Variants in NOX1 observed in about 807,000 individuals in gnomAD.
NOX1 encodes the protein NADH/NADPH mitogenic oxidase subunit P65-MOX.
NOX1 carries 34 observed loss-of-function variants against 42.5 expected under a neutral mutation model. The observed-to-expected ratio is 0.80, with a 90% CI of 0.61 to 1.07. NOX1 has a LOEUF of 1.07. NOX1 is among the 50% of genes least tolerant of loss of function. The probability of loss-of-function intolerance (pLI) is 0.00; values close to 1 mark genes in which losing one functional copy is unlikely to be tolerated. For synonymous variants in NOX1, 143 were observed against 152.5 expected, an observed-to-expected ratio of 0.94 and a Z score of 0.46; for missense variants, 408 against 427.0, an observed-to-expected ratio of 0.96 and a Z score of 0.39.
intron 7 of NOX1, among the ~76,000 whole-genome samples, chrX:100,859,369 ATCATCAGGGATATTGGCCTGAAGTTT>A (rs1201611492): frequency 8.9e-6 from 1 of 111,741 alleles, no homozygotes; most frequent in Non-Finnish European, 1.9e-5. Flanking sequence ...TCAATGAATG[ATCATCAGGGATATTGGCCTGAAGTTT>A]TCTTTTTTCG....
chrX:100,870,831 A>C lies in NOX1; in HGVS notation c.46-17T>G. On this transcript the variant is annotated splice_polypyrimidine_tract_variant and intron_variant, in intron 1 of 12. Transcript: ENST00000372966. The stretch of plus-strand genomic sequence containing the variant: ...CCAAACAACCTAGAGAAAGAAAAAA[A>C]AACATGCAAAGAATAAAGTGAAATT... 1 of 1,024,815 alleles carries C rather than the reference A, an allele frequency of 9.8e-7. No individual in the cohort carries two copies. Among genetic ancestry groups the C allele is most frequent in the Non-Finnish European group, 1.4e-6 (1 of 737,710 alleles). The allele number at this position is 1,024,815 out of a possible 1,213,427, so 84.5% of individuals were successfully genotyped here.
At position 100,852,950 on chromosome X, in the gene NOX1, A is replaced by T. The variant is rs1254275282; in HGVS notation, c.805-1625T>A. 2.7e-5 allele frequency among the ~76,000 whole-genome samples: 3 copies of T among 112,201 alleles called. No individual in the cohort carries two copies. The East Asian group carries it at 8.4e-4, about 31-fold the overall frequency. ...ATTAACTGGGATTCAGGGAAATGGG[A>T]GTGTTCACGTGGGCATGCAAATTGA... On this transcript the variant is annotated intron_variant, in intron 7 of 12. Coordinates refer to ENST00000372966, the MANE Select transcript of NOX1 (RefSeq NM_007052.5).
intron 7 of NOX1, among the ~76,000 whole-genome samples, chrX:100,853,433 T>TCTTCCTTCCTTCCTTCC (rs1569445832): frequency 8.9e-5 from 9 of 101,199 alleles, no homozygotes; most frequent in Non-Finnish European, 1.2e-4. Context: ...CTTTTTTTTT[T>TCTTCCTTCCTTCCTTCC]TTGACAGAGT....
rs752018049 is a variant in NOX1, at chrX:100,870,633, A to G, written c.141+86T>C. ...TTTCTGGCAACCCTAGCCCTAGAGA[A>G]TATCAGGGCATTGGGTCACAAAGAA... On this transcript the variant is annotated intron_variant, in intron 2 of 12. Coordinates refer to ENST00000372966, the MANE Select transcript of NOX1 (RefSeq NM_007052.5). 5.7e-5 allele frequency: 37 copies of G among 644,264 alleles called. No homozygotes were observed. The African/African-American group carries it at 6.2e-4, about 11-fold the overall frequency. 53.1% of individuals were successfully genotyped at this position (644,264 alleles called of 1,213,427 possible).
At chrX:100,870,619 C>G (rs979350171) in intron 2 of NOX1, 100 bp downstream of exon 2, 3 of 603,840 alleles carry the variant, frequency 5.0e-6, no homozygotes, top group Non-Finnish European at 8.2e-6. Context: ...TTCTGGCAAC[C>G]CTAGCCCTAG....
In NOX1 at chrX:100,844,018, G is replaced by A. The variant is rs946595131; in HGVS notation, c.1629C>T (p.Cys543=). ...GATCCAGACTGGAATATCGGTGACAGCATTTGCGCAGGCTCTTTGCCAAAG... is the reference window on the plus strand; with the variant it reads ...GATCCAGACTGGAATATCGGTGACAACATTTGCGCAGGCTCTTTGCCAAAG... The part of the protein sequence containing the change: ...PRTLAKSLRK[C]CHRYSSLDPR... Residue 543 remains cysteine, a synonymous_variant, in exon 13 of 13, where the codon TGC becomes TGT. Transcript: ENST00000372966. 1 of 1,202,327 alleles carries A rather than the reference G, an allele frequency of 8.3e-7. No homozygotes were observed. Among genetic ancestry groups the A allele is most frequent in the Admixed American group, 2.2e-5 (1 of 45,831 alleles).
intron 2 of NOX1, among the ~76,000 whole-genome samples, chrX:100,864,279 C>T (rs985337941): frequency 1.2e-4 from 14 of 112,352 alleles, no homozygotes; most frequent in African/African-American, 4.5e-4. Context: ...TGTGAGCCAC[C>T]ATGCCTGGCC....
At chrX:100,851,169 T>G in intron 8 of NOX1, 64 bp downstream of exon 8, 2 of 698,700 alleles carry the variant, frequency 2.9e-6, no homozygotes, top group South Asian at 2.8e-5. Flanking sequence ...ACATAAAAAT[T>G]TAGTTCTGTA....
chrX:100,851,196 C>A, intron 8 of NOX1, 37 bp downstream of exon 8: 2 of 889,651 alleles, frequency 2.2e-6, no homozygotes, highest in Non-Finnish European at 3.2e-6. Flanking sequence ...TAGAAGATAA[C>A]TCTTATCACA....
intron 7 of NOX1, among the ~76,000 whole-genome samples, chrX:100,853,451 C>G (rs1414490474): frequency 2.0e-5 from 2 of 100,418 alleles, no homozygotes; most frequent in Non-Finnish European, 4.0e-5. Flanking sequence ...AGTCTCACTC[C>G]GTGCAGTCAC....
chrX:100,849,147 A>T, intron 11 of NOX1, 133 bp downstream of exon 11: 1 of 642,355 alleles, frequency 1.6e-6, no homozygotes, highest in Non-Finnish European at 2.3e-6. Context: ...TCTTTCCACC[A>T]CTTTTAAACT....
intron 12 of NOX1, among the ~76,000 whole-genome samples, chrX:100,845,764 C>T (rs1299993585): frequency 1.2e-4 from 12 of 102,011 alleles, no homozygotes; most frequent in Non-Finnish European, 2.2e-4. Context: ...TACAGGTGCC[C>T]GCCACCATGC....
chrX:100,861,174 G>T (rs2085200918), intron 7 of NOX1, among the ~76,000 whole-genome samples: 1 of 111,547 alleles, frequency 9.0e-6, no homozygotes, highest in African/African-American at 3.3e-5. Flanking sequence ...TGCTTTTATG[G>T]TTTTTTTGCT....
chrX:100,859,513 T>C (rs1210785195), intron 7 of NOX1, among the ~76,000 whole-genome samples: 1 of 111,658 alleles, frequency 9.0e-6, no homozygotes, highest in East Asian at 2.8e-4. Flanking sequence ...GTAGGAATGG[T>C]ACCAGATCTT....
chrX:100,843,384 C>T lies in NOX1; in HGVS notation c.*568G>A. 8.8e-7 allele frequency: 1 copy of T among 1,136,863 alleles called. No homozygotes were observed. Among genetic ancestry groups the T allele is most frequent in the South Asian group, 2.2e-5 (1 of 45,134 alleles). The allele number at this position is 1,136,863 out of a possible 1,213,427, so 93.7% of individuals were successfully genotyped here. Reference sequence around the variant, plus strand: ...GCAAAAATAAGAATAAATTGCTGTTCACACTGGATAAGACCATATCAAAAG... The same window carrying T: ...GCAAAAATAAGAATAAATTGCTGTTTACACTGGATAAGACCATATCAAAAG... On this transcript the variant is annotated 3_prime_UTR_variant, in exon 13 of 13. Coordinates refer to ENST00000372966, the MANE Select transcript of NOX1 (RefSeq NM_007052.5).
intron 12 of NOX1, among the ~76,000 whole-genome samples, chrX:100,845,620 T>G (rs762708673): frequency 1.4e-4 from 13 of 94,131 alleles, no homozygotes; most frequent in Admixed American, 1.2e-3. Context: ...TGTTTTTTTT[T>G]TTTTTTTTTT....
intron 7 of NOX1, among the ~76,000 whole-genome samples, chrX:100,851,585 G>T (rs970441146): frequency 8.9e-6 from 1 of 111,996 alleles, no homozygotes. Flanking sequence ...GCACAGAAAT[G>T]GAACACATGG....
chrX:100,862,797 A>G lies in NOX1; in HGVS notation c.361T>C (p.Phe121Leu). The change falls in exon 5 of 13, where the codon TTT becomes CTT. Residue 121 changes from phenylalanine (F) to leucine (L), a missense_variant. Phe to Leu is a conservative substitution (Grantham distance 22, BLOSUM62 0). Transcript: ENST00000372966. Reference protein sequence around the residue: ...HTAIHIIAHLFNFDCYSRSRQ... With the variant: ...HTAIHIIAHLLNFDCYSRSRQ... The stretch of plus-strand genomic sequence containing the variant: ...CTTCTGCTATAGCAGTCAAAGTTAA[A>G]CAGGTGTGCAATGATGTGAATAGCT... The G allele has an allele frequency of 8.3e-7, 1 of 1,199,716 alleles. No individual in the cohort carries two copies. Among genetic ancestry groups the G allele is most frequent in the African/African-American group, 1.8e-5 (1 of 57,098 alleles).
At chrX:100,849,162 T>A (rs1254410412) in intron 11 of NOX1, 118 bp downstream of exon 11, 2 of 742,440 alleles carry the variant, frequency 2.7e-6, no homozygotes, top group African/African-American at 4.3e-5. Context: ...TAAACTTGTG[T>A]GTGAGTGTGA....
Sources: allele counts gnomAD v4.1 joint callset (sites outside exome capture counted in the v4.1 genomes callset), GRCh38; gene constraint gnomAD v4.1.1; transcripts MANE v1.5; gene names NCBI Gene and HGNC (gene_info 2026-07-23, HGNC 2026-07-21).